Variants in FPGS observed in about 807,000 individuals in gnomAD.
FPGS encodes folylpolyglutamate synthase, mitochondrial.
In FPGS, 53 loss-of-function variants were observed where a neutral mutation model predicts 66.5. The observed-to-expected ratio is 0.80, with a 90% CI of 0.64 to 1.00. The LOEUF (loss-of-function observed/expected upper bound fraction) is 1.00. Among genes scored for constraint, FPGS ranks in the 50% least tolerant of loss-of-function variants. The pLI is 0.00. For missense variants in FPGS, 702 were observed against 807.7 expected (o/e 0.87, Z 1.59); for synonymous variants, 348 against 350.9 (o/e 0.99, Z 0.09).
intron 8 of FPGS, 127 bp from the exon 9 acceptor site, chr9:127,808,107 A>G (rs1829893972): frequency 1.4e-6 from 1 of 720,234 alleles, no homozygotes; most frequent in African/African-American, 1.8e-5. Context: ...CTTCATCTCG[A>G]AAAAGAAAAG....
rs115707946 is a variant in FPGS at position 127,807,110 on chromosome 9, C to T, written c.501+23C>T. The stretch of plus-strand genomic sequence containing the variant: ...AAGGTGCCGCATGCAGGAGGGCTGG[C>T]GGGTGGGTATGGTTGGGGGTGCTAC... On this transcript the variant is annotated intron_variant, in intron 5 of 14. Transcript: ENST00000373247. This position sits in a 1 kb window ranked among gnomAD's most constrained non-coding sequence, Gnocchi z 5.8. 180 of 1,610,790 alleles carry T rather than the reference C, an allele frequency of 1.1e-4. 1 individual carries two copies. In the African/African-American group the frequency reaches 1.7e-3, roughly 16 times the overall value.
chr9:127,813,186 G>A lies in FPGS; in HGVS notation c.1355-9G>A, dbSNP rs993605182. On this transcript the variant is annotated splice_polypyrimidine_tract_variant and intron_variant, in intron 14 of 14. Transcript: ENST00000373247. ...CCTTCGCTGATAGGCCTTTCTCTGTGCCCCACAGACCAACAGAACTTCACA... is the reference window on the plus strand; with the variant it reads ...CCTTCGCTGATAGGCCTTTCTCTGTACCCCACAGACCAACAGAACTTCACA... The A allele has an allele frequency of 6.4e-7, 1 of 1,559,258 alleles. No homozygotes were observed. The highest frequency in any genetic ancestry group is 1.4e-5 in the African/African-American group (1 of 73,668).
At position 127,808,557 on chromosome 9, in the gene FPGS, G is replaced by A. The variant is rs1001276226; in HGVS notation, c.823-1G>A. 1 of 1,612,682 alleles carries A rather than the reference G, an allele frequency of 6.2e-7. No homozygotes were observed. The highest frequency in any genetic ancestry group is 1.7e-5 in the Admixed American group (1 of 59,984). ...GACCCGCTCCTGCCTGTCTCCCCTAGTGTCCTCTATACCTGTGTCCGATGC... is the reference window on the plus strand; with the variant it reads ...GACCCGCTCCTGCCTGTCTCCCCTAATGTCCTCTATACCTGTGTCCGATGC... On this transcript the variant is annotated splice_acceptor_variant, in intron 9 of 14. Coordinates refer to ENST00000373247, the MANE Select transcript of FPGS (RefSeq NM_004957.6). LOFTEE classifies it high-confidence loss of function.
At chr9:127,810,582 T>G (rs1317397657) in intron 13 of FPGS, among the ~76,000 whole-genome samples, 1 of 152,038 alleles carries the variant, frequency 6.6e-6, no homozygotes, top group Non-Finnish European at 1.5e-5. Flanking sequence ...TCATCTCCCA[T>G]TTCACAGACC....
downstream of FPGS, chr9:127,814,120 G>A (rs938147575): frequency 2.0e-6 from 2 of 986,088 alleles, no homozygotes; most frequent in East Asian, 2.3e-4. Context: ...ACGGAGGGAG[G>A]GGCTGCTGGT....
Position 127,807,895 on chromosome 9 carries a change from C to G in FPGS, c.744+207C>G. On this transcript the variant is annotated intron_variant, in intron 8 of 14. Coordinates refer to ENST00000373247, the MANE Select transcript of FPGS (RefSeq NM_004957.6). This position sits in a 1 kb window ranked among gnomAD's most constrained non-coding sequence, Gnocchi z 5.8. ...TCGAGGTGAGAGGATCACCTGAGAT[C>G]CGGAGTTTGAGACCAGCCTGACCAA... 1.7e-6 allele frequency: 1 copy of G among 574,416 alleles called. No individual in the cohort carries two copies. The highest frequency in any genetic ancestry group is 2.3e-5 in the South Asian group (1 of 42,618). 35.6% of individuals were successfully genotyped at this position (574,416 alleles called of 1,614,324 possible). A position where few individuals can be genotyped will look rare whatever the true frequency, so the allele number is the denominator to read the frequency against.
rs1829845866 is a variant in FPGS at position 127,807,121 on chromosome 9, G to A, written c.501+34G>A. 1 of 1,610,768 alleles carries A rather than the reference G, an allele frequency of 6.2e-7. No homozygotes were observed. Among genetic ancestry groups the A allele is most frequent in the East Asian group, 2.2e-5 (1 of 44,868 alleles). On this transcript the variant is annotated intron_variant, in intron 5 of 14. Coordinates refer to ENST00000373247, the MANE Select transcript of FPGS (RefSeq NM_004957.6). This position sits in a 1 kb window ranked among gnomAD's most constrained non-coding sequence, Gnocchi z 5.8. The stretch of plus-strand genomic sequence containing the variant: ...TGCAGGAGGGCTGGCGGGTGGGTAT[G>A]GTTGGGGGTGCTACGTGTTCCAGCA...
At chr9:127,809,262 G>A (rs1352441125) in intron 11 of FPGS, among the ~76,000 whole-genome samples, 1 of 152,150 alleles carries the variant, frequency 6.6e-6, no homozygotes, top group East Asian at 1.9e-4. Context: ...CTGGAGGATG[G>A]TGATCCAGTC....
intron 4 of FPGS, 192 bp from the exon 5 acceptor site, chr9:127,806,781 T>G (rs762157812): frequency 3.9e-5 from 23 of 596,422 alleles, no homozygotes; most frequent in Admixed American, 5.8e-5. Flanking sequence ...GTGAGCCAGG[T>G]GCAGAGGCCT....
chr9:127,810,175 G>T (rs1222735362), intron 13 of FPGS, 69 bp downstream of exon 13: 19 of 1,337,198 alleles, frequency 1.4e-5, no homozygotes, highest in Non-Finnish European at 1.8e-5. Context: ...GTGACCCTGG[G>T]GGGTGCCAAT....
At chr9:127,805,284 C>T (rs1829764053) in intron 4 of FPGS, among the ~76,000 whole-genome samples, 1 of 152,054 alleles carries the variant, frequency 6.6e-6, no homozygotes, top group African/African-American at 2.4e-5. Flanking sequence ...TGGCTCATGC[C>T]TATAATCCCA....
chr9:127,808,971 TTC>T, intron 11 of FPGS, 82 bp downstream of exon 11: 1 of 1,102,984 alleles, frequency 9.1e-7, no homozygotes, highest in Non-Finnish European at 1.3e-6. Context: ...TTTTTTGGTT[TTC>T]TGTTTGGGAG....
chr9:127,813,360 CCCA>C lies in FPGS; in HGVS notation c.1522_1524del (p.His508del). 2.5e-6 allele frequency: 4 copies of C among 1,612,614 alleles called. No individual in the cohort carries two copies. Among genetic ancestry groups the C allele is most frequent in the Non-Finnish European group, 3.4e-6 (4 of 1,179,406 alleles). Reference sequence around the variant, plus strand: ...TCCCTGCTTCTGGCGCCCCACCCACCCCACACCTGCAGTGCCAGCTCCCTCGTC... The same window carrying C: ...TCCCTGCTTCTGGCGCCCCACCCACCCACCTGCAGTGCCAGCTCCCTCGTC... On this transcript the variant is annotated inframe_deletion, in exon 15 of 15. Transcript: ENST00000373247.
chr9:127,809,722 C>G lies in FPGS; in HGVS notation c.1099C>G (p.Leu367Val). 6.3e-7 allele frequency: 1 copy of G among 1,588,848 alleles called. No homozygotes were observed. Among genetic ancestry groups the G allele is most frequent in the Non-Finnish European group, 8.5e-7 (1 of 1,175,664 alleles). ...GGAGTGGCCGGGCCGGACGCAGGTGCTGCGGCGCGGGCCCCTCACCTGGTA... is the reference window on the plus strand; with the variant it reads ...GGAGTGGCCGGGCCGGACGCAGGTGGTGCGGCGCGGGCCCCTCACCTGGTA... ...NTEWPGRTQV[L>V]RRGPLTWYLD... Residue 367 changes from leucine (L) to valine (V), a missense_variant, in exon 12 of 15, where the codon CTG becomes GTG. This residue lies in a region of FPGS where 351 missense variants were observed against 363.7 expected (regional missense o/e 0.97). Coordinates refer to ENST00000373247, the MANE Select transcript of FPGS (RefSeq NM_004957.6).
intron 4 of FPGS, chr9:127,806,707 T>C (rs533519300): frequency 9.2e-4 from 449 of 485,576 alleles, no homozygotes; most frequent in Non-Finnish European, 1.2e-3. Flanking sequence ...TTGGAGCCCA[T>C]AGAATGTGCA....
chr9:127,810,827 C>T (rs1830042172), intron 13 of FPGS, 118 bp from the exon 14 acceptor site: 2 of 606,636 alleles, frequency 3.3e-6, no homozygotes, highest in African/African-American at 1.8e-5. Flanking sequence ...GTTTATACAG[C>T]ATCATTCTAG....
In FPGS at chr9:127,809,792, G is replaced by T. The variant is rs778609384; in HGVS notation, c.1169G>T (p.Arg390Leu). 8.5e-6 allele frequency: 13 copies of T among 1,535,450 alleles called. No individual in the cohort carries two copies. Among genetic ancestry groups the T allele is most frequent in the Non-Finnish European group, 1.1e-5 (13 of 1,153,846 alleles). Residue 390 changes from arginine to leucine, a missense_variant, in exon 12 of 15, where the codon CGC becomes CTC. Arg to Leu is a moderately radical substitution (Grantham distance 102). Coordinates refer to ENST00000373247, the MANE Select transcript of FPGS (RefSeq NM_004957.6). ...HTASSAQACV[R>L]WFRQALQGRE... ...GCCAGCAGCGCGCAGGCCTGCGTGCGCTGGTTCCGCCAGGCGCTGCAGGGC... is the reference window on the plus strand; with the variant it reads ...GCCAGCAGCGCGCAGGCCTGCGTGCTCTGGTTCCGCCAGGCGCTGCAGGGC...
rs996894781 is a variant in FPGS at position 127,806,839 on chromosome 9, G to A, written c.387-134G>A. 3 of 678,288 alleles carry A rather than the reference G, an allele frequency of 4.4e-6. No homozygotes were observed. In the Admixed American group the frequency reaches 6.6e-5, roughly 15 times the overall value. 42.0% of individuals were successfully genotyped at this position (678,288 alleles called of 1,614,324 possible). On this transcript the variant is annotated intron_variant, in intron 4 of 14. Transcript: ENST00000373247. ...TGGGGGGCTACAGATAGTCCGGGGG[G>A]ATGGGGCACCAGGAACAAACCGAGG...
rs1270894238 is a variant in FPGS, at chr9:127,802,955, G to T, written c.31G>T (p.Ala11Ser). 2.1e-6 allele frequency: 3 copies of T among 1,434,572 alleles called. No homozygotes were observed. In the South Asian group the frequency reaches 4.2e-5, roughly 20 times the overall value. The allele number at this position is 1,434,572 out of a possible 1,614,324, so 88.9% of individuals were successfully genotyped here. A position where few individuals can be genotyped will look rare whatever the true frequency, so the allele number is the denominator to read the frequency against. The change falls in exon 1 of 15, where the codon GCT becomes TCT. Residue 11 changes from alanine to serine, a missense_variant. Ala to Ser is a moderately conservative substitution (Grantham distance 99, BLOSUM62 1). Coordinates refer to ENST00000373247, the MANE Select transcript of FPGS (RefSeq NM_004957.6). MSRARSHLRA[A>S]LFLAAASARG... Reference sequence around the variant, plus strand: ...GCGGGCGCGGAGCCACCTGCGCGCCGCTCTATTCCTGGCAGCGGCGTCTGC... The same window carrying T: ...GCGGGCGCGGAGCCACCTGCGCGCCTCTCTATTCCTGGCAGCGGCGTCTGC...
Sources: gnomAD v4.1 joint callset for allele counts (sites outside exome capture counted in the v4.1 genomes callset) on GRCh38, gnomAD v4.1.1 for gene constraint, gnomAD v4.1.1 regional missense constraint, Gnocchi (gnomAD v3.1) non-coding constraint, MANE v1.5 for transcripts, NCBI Gene and HGNC (gene_info 2026-07-23, HGNC 2026-07-21) for gene names.